ZNF862: variants seen among roughly 807,000 people sequenced by gnomAD.
ZNF862 encodes zinc finger protein 862.
A neutral mutation model predicts 91.1 loss-of-function variants in ZNF862; 64 were observed. The observed-to-expected ratio is 0.70, with a 90% CI of 0.57 to 0.87. The LOEUF (loss-of-function observed/expected upper bound fraction) is 0.87, where lower values mean the gene tolerates loss of function less well. ZNF862 is among the 40% of genes least tolerant of loss of function. The pLI is 0.00. For missense variants in ZNF862, 1,459 were observed against 1,528.0 expected (o/e 0.95, Z 0.75); for synonymous variants, 631 against 618.1 (o/e 1.02, Z -0.31).
chr7:149,860,799 A>T lies in ZNF862; in HGVS notation c.1639A>T (p.Ile547Phe), dbSNP rs780005077. ...CCCTCACACTGCCCTCGTTCCAGAG[A>T]TCTCCAGCGACCTCATGGCCAACAT... ...DTPHTALVPE[I>F]SSDLMANMEH... Residue 547 changes from isoleucine (I) to phenylalanine (F), a missense_variant, in exon 7 of 8, where the codon ATC becomes TTC. Ile to Phe is a conservative substitution (Grantham distance 21, BLOSUM62 0). Transcript: ENST00000223210. 17 of 1,613,750 alleles carry T rather than the reference A, an allele frequency of 1.1e-5. No individual in the cohort carries two copies.
chr7:149,863,565 G>A (rs1482676487), intron 7 of ZNF862, among the ~76,000 whole-genome samples: 1 of 152,248 alleles, frequency 6.6e-6, no homozygotes, highest in African/African-American at 2.4e-5. Context: ...TGGGTGAGTT[G>A]CTCTGTGTCC....
intron 2 of ZNF862, among the ~76,000 whole-genome samples, chr7:149,845,481 G>C (rs575974803): frequency 6.6e-6 from 1 of 152,306 alleles, no homozygotes; most frequent in East Asian, 1.9e-4. Context: ...GATTGCAGCT[G>C]GGGTGAGTCT....
chr7:149,845,090 T>G (rs906716356), intron 2 of ZNF862: 2 of 230,116 alleles, frequency 8.7e-6, no homozygotes, highest in African/African-American at 2.3e-5. Flanking sequence ...TAGGAAGCAG[T>G]GGTGGCAAGA....
At position 149,864,249 on chromosome 7, in the gene ZNF862, C is replaced by T. The variant is rs1802633113; in HGVS notation, c.3475C>T (p.Pro1159Ser). ...GGAGCCTCCCGAGAGACTCCTGTAT[C>T]CCCACACCAGCCAGGAGGCCCCCGG... ...IMEPPERLLY[P>S]HTSQEAPGMS Residue 1159 changes from proline to serine, a missense_variant, in exon 8 of 8, where the codon CCC becomes TCC. Physicochemically the swap from Pro to Ser is moderately conservative, Grantham distance 74. Transcript: ENST00000223210. The T allele has an allele frequency of 1.9e-6, 3 of 1,603,388 alleles. No homozygotes were observed. The highest frequency in any genetic ancestry group is 1.3e-5 in the African/African-American group (1 of 74,668).
intron 5 of ZNF862, among the ~76,000 whole-genome samples, chr7:149,854,227 A>ACATGAAAT (rs1802177229): frequency 6.6e-6 from 1 of 152,096 alleles, no homozygotes; most frequent in Non-Finnish European, 1.5e-5. Flanking sequence ...CACTCAAATA[A>ACATGAAAT]CATGAAATCT....
chr7:149,862,596 C>T (rs1482728179), intron 7 of ZNF862, 102 bp downstream of exon 7: 1 of 1,318,654 alleles, frequency 7.6e-7, no homozygotes, highest in Non-Finnish European at 1.0e-6. Flanking sequence ...CATGCACCCA[C>T]CCATTTGCTA....
chr7:149,854,362 A>G (rs748550115), intron 5 of ZNF862, among the ~76,000 whole-genome samples: 1 of 152,246 alleles, frequency 6.6e-6, no homozygotes, highest in Non-Finnish European at 1.5e-5. Context: ...AGGTGTGACA[A>G]CTTGAGTGCA....
At position 149,847,993 on chromosome 7, in the gene ZNF862, A is replaced by G. The variant is rs1801934352; in HGVS notation, c.500A>G (p.Tyr167Cys). ...CTGTTCTGCTCTGCTTGCCGAGAATACCCCTCCATCAGGGACAAACGGTCA... is the reference window on the plus strand; with the variant it reads ...CTGTTCTGCTCTGCTTGCCGAGAATGCCCCTCCATCAGGGACAAACGGTCA... ...TALFCSACRE[Y>C]PSIRDKRSRL... Residue 167 changes from tyrosine (Y) to cysteine (C), a missense_variant, in exon 4 of 8, where the codon TAC becomes TGC. By Grantham distance (194) the Tyr-to-Cys change is radical (BLOSUM62 -2). Transcript: ENST00000223210. The G allele has an allele frequency of 1.9e-6, 3 of 1,612,602 alleles. No individual in the cohort carries two copies. Among genetic ancestry groups the G allele is most frequent in the Non-Finnish European group, 2.5e-6 (3 of 1,179,318 alleles).
chr7:149,840,891 A>T, intron 1 of ZNF862: 2 of 965,878 alleles, frequency 2.1e-6, no homozygotes, highest in Non-Finnish European at 2.5e-6. Flanking sequence ...CCTAGAACTT[A>T]TCCCTGTTGT....
At chr7:149,842,140 G>A (rs769307895) in intron 1 of ZNF862, among the ~76,000 whole-genome samples, 3 of 152,140 alleles carry the variant, frequency 2.0e-5, no homozygotes, top group Non-Finnish European at 4.4e-5. Context: ...AACGTGAATC[G>A]CGACTTTATG....
At chr7:149,846,086 C>A (rs1195649915) in intron 2 of ZNF862, 65 bp from the exon 3 acceptor site, 18 of 1,210,350 alleles carry the variant, frequency 1.5e-5, no homozygotes, top group Non-Finnish European at 1.9e-5. Flanking sequence ...CGTGTTGTGA[C>A]CCGGAGCCAG....
At position 149,861,886 on chromosome 7, in the gene ZNF862, A is replaced by C. The variant is rs1251436375; in HGVS notation, c.2726A>C (p.Lys909Thr). ...DGRLHGICLD[K>T]LEVAEQRFQA... The stretch of plus-strand genomic sequence containing the variant: ...CGGCTCCACGGCATCTGCTTGGACA[A>C]ACTGGAGGTAGCGGAACAGCGGTTC... Residue 909 changes from lysine to threonine, a missense_variant, in exon 7 of 8, where the codon AAA becomes ACA. Coordinates refer to ENST00000223210, the MANE Select transcript of ZNF862 (RefSeq NM_001099220.3). This position sits in a 1 kb window ranked among gnomAD's most constrained non-coding sequence, Gnocchi z 6.7. 1 of 1,613,668 alleles carries C rather than the reference A, an allele frequency of 6.2e-7. No individual in the cohort carries two copies. Among genetic ancestry groups the C allele is most frequent in the East Asian group, 2.2e-5 (1 of 44,832 alleles).
At position 149,861,045 on chromosome 7, in the gene ZNF862, G is replaced by A; in HGVS notation, c.1885G>A (p.Asp629Asn). 6.2e-7 allele frequency: 1 copy of A among 1,612,820 alleles called. No homozygotes were observed. The highest frequency in any genetic ancestry group is 8.5e-7 in the Non-Finnish European group (1 of 1,179,714). ...CTCGCCCTGTGTGAGCGTGCTGCTG[G>A]ACAGCTCCACCGACGCCTCCGAGCA... ...RNSPCVSVLL[D>N]SSTDASEQAC... is the part of the protein sequence containing the mutation. Residue 629 changes from aspartate (D) to asparagine (N), a missense_variant, in exon 7 of 8, where the codon GAC (aspartate) becomes AAC (asparagine). Asp to Asn is a conservative substitution (Grantham distance 23). Coordinates refer to ENST00000223210, the MANE Select transcript of ZNF862 (RefSeq NM_001099220.3). The surrounding 1 kb of genome is among the most constrained non-coding windows in gnomAD (Gnocchi z 6.7).
Position 149,844,655 on chromosome 7 carries a change from T to C in ZNF862, c.55T>C (p.Tyr19His). 1 of 1,605,662 alleles carries C rather than the reference T, an allele frequency of 6.2e-7. No individual in the cohort carries two copies. Among genetic ancestry groups the C allele is most frequent in the Non-Finnish European group, 8.5e-7 (1 of 1,175,946 alleles). Residue 19 changes from tyrosine to histidine, a missense_variant, in exon 2 of 8, where the codon TAC (tyrosine) becomes CAC (histidine). Transcript: ENST00000223210. ...APVTFDDITV[Y>H]LLQEEWVLLS... ...TGTGACGTTTGATGACATCACTGTGTACTTACTCCAGGAGGAATGGGTGCT... is the reference window on the plus strand; with the variant it reads ...TGTGACGTTTGATGACATCACTGTGCACTTACTCCAGGAGGAATGGGTGCT...
chr7:149,863,311 T>G (rs1407489487), intron 7 of ZNF862, among the ~76,000 whole-genome samples: 2 of 143,154 alleles, frequency 1.4e-5, no homozygotes, highest in Non-Finnish European at 2.9e-5. Context: ...CGTCTCTAGC[T>G]GGCCTCCTTC....
Position 149,847,715 on chromosome 7 carries a change from C to T in ZNF862, c.242-20C>T. The T allele has an allele frequency of 1.3e-6, 2 of 1,586,082 alleles. No homozygotes were observed. The highest frequency in any genetic ancestry group is 1.7e-6 in the Non-Finnish European group (2 of 1,165,938). ...AACTATAGGATTTTAAAGCCAATCC[C>T]TTCTGTCTCTTCTCTAAAGGAAAAA... On this transcript the variant is annotated intron_variant, in intron 3 of 7. Transcript: ENST00000223210.
Position 149,864,429 on chromosome 7 carries a change from C to A in ZNF862, c.*145C>A. The A allele has an allele frequency of 2.5e-6, 2 of 791,874 alleles. No homozygotes were observed. Among genetic ancestry groups the A allele is most frequent in the Non-Finnish European group, 3.9e-6 (2 of 510,872 alleles). The allele number at this position is 791,874 out of a possible 1,614,324, so 49.1% of individuals were successfully genotyped here. On this transcript the variant is annotated 3_prime_UTR_variant, in exon 8 of 8. Coordinates refer to ENST00000223210, the MANE Select transcript of ZNF862 (RefSeq NM_001099220.3). ...AGTGGGCAGTGGCATCCCAGAGCAG[C>A]AGGGGTATCAGGAGGTGCATGACCT...
chr7:149,848,396 T>A lies in ZNF862; in HGVS notation c.903T>A (p.Asn301Lys), dbSNP rs767300821. The A allele has an allele frequency of 6.3e-7, 1 of 1,580,052 alleles. No homozygotes were observed. The highest frequency in any genetic ancestry group is 8.6e-7 in the Non-Finnish European group (1 of 1,162,462). Residue 301 changes from asparagine to lysine, a missense_variant, in exon 4 of 8, where the codon AAT becomes AAA. By Grantham distance (94) the Asn-to-Lys change is moderately conservative. Transcript: ENST00000223210. Reference protein sequence around the residue: ...TDGIHSSSDINILYNDAVESC... With the variant: ...TDGIHSSSDIKILYNDAVESC... ...GCATCCACAGCTCCTCAGACATTAA[T>A]ATTTTATATAATGATGCAGTAGAAT... is the stretch of plus-strand genomic sequence containing the variant.
Position 149,862,009 on chromosome 7 carries a change from T to C in ZNF862, c.2849T>C (p.Phe950Ser), listed in dbSNP as rs1218971992. ...RPPQLKNMEV[F>S]DTMAWPSGIE... Reference sequence around the variant, plus strand: ...CCACAGCTGAAGAACATGGAGGTGTTTGACACCATGGCCTGGCCAAGTGGG... The same window carrying C: ...CCACAGCTGAAGAACATGGAGGTGTCTGACACCATGGCCTGGCCAAGTGGG... The change falls in exon 7 of 8, where the codon TTT becomes TCT. Residue 950 changes from phenylalanine (F) to serine (S), a missense_variant. Phe to Ser is a radical substitution (Grantham distance 155, BLOSUM62 -2). Transcript: ENST00000223210. 3 of 1,613,826 alleles carry C rather than the reference T, an allele frequency of 1.9e-6. No homozygotes were observed. Among genetic ancestry groups the C allele is most frequent in the Non-Finnish European group, 2.5e-6 (3 of 1,179,878 alleles).
Sources: gnomAD v4.1 joint callset for allele counts (sites outside exome capture counted in the v4.1 genomes callset) on GRCh38, gnomAD v4.1.1 for gene constraint, Gnocchi (gnomAD v3.1) non-coding constraint, MANE v1.5 for transcripts, NCBI Gene and HGNC (gene_info 2026-07-23, HGNC 2026-07-21) for gene names.